Variants in TMIE observed in about 807,000 individuals in gnomAD.
TMIE encodes the protein transmembrane inner ear, also known as transmembrane inner ear expressed protein.
A neutral mutation model predicts 16.8 loss-of-function variants in TMIE; 14 were observed. The ratio of observed to expected loss-of-function variants is 0.83; its 90% CI spans 0.55 to 1.30. The LOEUF is 1.30. Ranked by LOEUF, TMIE falls within the 50% of genes most tolerant of loss-of-function variation. The pLI is 0.00. For missense variants in TMIE, 204 were observed against 205.9 expected (o/e 0.99, Z 0.06); for synonymous variants, 75 against 87.2 (o/e 0.86, Z 0.78).
At position 46,710,074 on chromosome 3, in the gene TMIE, C is replaced by A; in HGVS notation, c.*386C>A. 2.9e-6 allele frequency: 1 copy of A among 341,782 alleles called. No homozygotes were observed. The highest frequency in any genetic ancestry group is 5.7e-6 in the Non-Finnish European group (1 of 174,012). The allele number at this position is 341,782 out of a possible 1,614,324, so 21.2% of individuals were successfully genotyped here. ...GTTACTTCAGCCACCCTTTCTGGCA[C>A]GAAATGGCTGAAGTGCATGGGTCAG... On this transcript the variant is annotated 3_prime_UTR_variant, in exon 4 of 4. Transcript: ENST00000643606.
chr3:46,696,037 C>G (rs944731569), intron 1 of TMIE, among the ~76,000 whole-genome samples: 38 of 152,162 alleles, frequency 2.5e-4, no homozygotes, highest in African/African-American at 8.7e-4. Context: ...GCAGCACAGC[C>G]AAGGGCCCCT....
intron 1 of TMIE, among the ~76,000 whole-genome samples, chr3:46,704,565 C>G (rs1489877014): frequency 2.7e-5 from 4 of 148,632 alleles, no homozygotes; most frequent in Non-Finnish European, 6.0e-5. Flanking sequence ...GGACCATGTC[C>G]CCTAGACGCC....
upstream of TMIE, among the ~76,000 whole-genome samples, chr3:46,699,159 G>A (rs990967985): frequency 1.5e-5 from 2 of 129,800 alleles, no homozygotes; most frequent in African/African-American, 5.8e-5. Flanking sequence ...CGCAACCTCC[G>A]CCTCCCGAGT....
chr3:46,695,192 C>T (rs570948480), intron 1 of TMIE, among the ~76,000 whole-genome samples: 17 of 152,370 alleles, frequency 1.1e-4, no homozygotes, highest in Non-Finnish European at 1.5e-4. Context: ...GCAGAGCCAC[C>T]GCCCCAGCAG....
chr3:46,703,353 G>A (rs946053900), intron 1 of TMIE, among the ~76,000 whole-genome samples: 1 of 152,206 alleles, frequency 6.6e-6, no homozygotes, highest in African/African-American at 2.4e-5. Flanking sequence ...GCAAGAATGT[G>A]TAGGAAGTGA....
chr3:46,699,436 G>A (rs1187966520), upstream of TMIE, among the ~76,000 whole-genome samples: 1 of 152,182 alleles, frequency 6.6e-6, no homozygotes, highest in Non-Finnish European at 1.5e-5. Flanking sequence ...CAACTGCACT[G>A]AGACTTTTGG....
rs868569513 is a variant in TMIE at position 46,710,359 on chromosome 3, G to A, written c.*671G>A. The A allele has an allele frequency of 2.3e-4, 36 of 159,748 alleles. No individual in the cohort carries two copies. The highest frequency in any genetic ancestry group is 3.3e-3 in the Middle Eastern group (1 of 300). The allele number at this position is 159,748 out of a possible 1,614,324, so 9.9% of individuals were successfully genotyped here. A position where few individuals can be genotyped will look rare whatever the true frequency, so the allele number is the denominator to read the frequency against. On this transcript the variant is annotated 3_prime_UTR_variant, in exon 4 of 4. Coordinates refer to ENST00000643606, the MANE Select transcript of TMIE (RefSeq NM_147196.3). ...GTGATGAAGCTGAGGCTGCTGCCAG[G>A]CCCGGCATGAGGCCCCGAGGCTCGA...
upstream of TMIE, among the ~76,000 whole-genome samples, chr3:46,697,791 A>G (rs1283128779): frequency 6.6e-6 from 1 of 152,006 alleles, no homozygotes; most frequent in African/African-American, 2.4e-5. Flanking sequence ...ATCGAATTGG[A>G]AGGCACTCAG....
upstream of TMIE, among the ~76,000 whole-genome samples, chr3:46,699,889 C>G (rs1469439844): frequency 6.6e-6 from 1 of 152,170 alleles, no homozygotes. Context: ...GGGAGTCTCA[C>G]CCTCCCCATG....
chr3:46,708,651 G>C (rs1188438945), intron 2 of TMIE, among the ~76,000 whole-genome samples: 1 of 152,244 alleles, frequency 6.6e-6, no homozygotes, highest in Non-Finnish European at 1.5e-5. Flanking sequence ...TGTCCTCAGG[G>C]AGGCTGAGGA....
At chr3:46,706,675 G>A (rs1700556385) in intron 2 of TMIE, among the ~76,000 whole-genome samples, 1 of 152,172 alleles carries the variant, frequency 6.6e-6, no homozygotes, top group African/African-American at 2.4e-5. Flanking sequence ...AGGGTCCTCT[G>A]AGGAGGAGGG....
In TMIE at chr3:46,705,902, C is replaced by T. The variant is rs188085072; in HGVS notation, c.206C>T (p.Ser69Phe). 1,549 of 1,613,850 alleles carry T rather than the reference C, an allele frequency of 9.6e-4. 1 individual carries two copies. The highest frequency in any genetic ancestry group is 1.5e-3 in the Middle Eastern group (9 of 6,062). Reference sequence around the variant, plus strand: ...GGCATCTTTTCGCTCTTCGTGTTGTCCATCAGTGAGTAGCTGTTCCCTTCC... The same window carrying T: ...GGCATCTTTTCGCTCTTCGTGTTGTTCATCAGTGAGTAGCTGTTCCCTTCC... ...VVGIFSLFVL[S>F]IIITLCCVFN... Residue 69 changes from serine to phenylalanine, a missense_variant, in exon 2 of 4, where the codon TCC becomes TTC. By Grantham distance (155) the Ser-to-Phe change is radical. Transcript: ENST00000643606.
chr3:46,703,443 TGA>T lies in TMIE; in HGVS notation c.93+1865_93+1866del, dbSNP rs544293716. On this transcript the variant is annotated intron_variant, in intron 1 of 3. Transcript: ENST00000643606. ...CATACAACCAGCCGGGCCAACACATTGAGCCTTAGAATTAGGGCAGCTGCCAC... is the reference window on the plus strand; with the variant it reads ...CATACAACCAGCCGGGCCAACACATTGCCTTAGAATTAGGGCAGCTGCCAC... Among the ~76,000 whole-genome samples the T allele has an allele frequency of 6.6e-5, 10 of 152,214 alleles. No homozygotes were observed. In the East Asian group the frequency reaches 1.7e-3, roughly 26 times the overall value.
Position 46,701,458 on chromosome 3 carries a change from G to T in TMIE, c.-30G>T. ...ACCGGCGGCCGGCCCGTTCGTCCCTGGGCTCCGCAAGCGGCGCGGTGGCAC... is the reference window on the plus strand; with the variant it reads ...ACCGGCGGCCGGCCCGTTCGTCCCTTGGCTCCGCAAGCGGCGCGGTGGCAC... On this transcript the variant is annotated 5_prime_UTR_variant, in exon 1 of 4. Transcript: ENST00000643606. This position sits in a 1 kb window ranked among gnomAD's most constrained non-coding sequence, Gnocchi z 4.3. 1 of 1,392,870 alleles carries T rather than the reference G, an allele frequency of 7.2e-7. No individual in the cohort carries two copies. Among genetic ancestry groups the T allele is most frequent in the Non-Finnish European group, 9.3e-7 (1 of 1,074,702 alleles). 86.3% of individuals were successfully genotyped at this position (1,392,870 alleles called of 1,614,324 possible).
chr3:46,708,705 C>T (rs1167135427), intron 2 of TMIE, among the ~76,000 whole-genome samples: 2 of 152,206 alleles, frequency 1.3e-5, no homozygotes, highest in East Asian at 3.9e-4. Context: ...GCAACTTTGG[C>T]CTAGCTCTCA....
chr3:46,707,191 G>A (rs538789232), intron 2 of TMIE, among the ~76,000 whole-genome samples: 11 of 152,324 alleles, frequency 7.2e-5, no homozygotes, highest in South Asian at 2.1e-4. Context: ...TGCAGGGCTC[G>A]GGGGTCATCT....
upstream of TMIE, among the ~76,000 whole-genome samples, chr3:46,700,856 T>C (rs1011884708): frequency 6.6e-6 from 1 of 152,058 alleles, no homozygotes; most frequent in African/African-American, 2.4e-5. Flanking sequence ...GGGCTGAAGA[T>C]GCTGGCTTCT....
At chr3:46,709,442 G>T in intron 3 of TMIE, 137 bp from the exon 4 acceptor site, 1 of 1,604,918 alleles carries the variant, frequency 6.2e-7, no homozygotes, top group Non-Finnish European at 8.5e-7. Flanking sequence ...CAAATAGAAC[G>T]ATGAGCCTAT....
chr3:46,707,044 G>GC (rs532697986), intron 2 of TMIE, among the ~76,000 whole-genome samples: 33 of 152,292 alleles, frequency 2.2e-4, no homozygotes, highest in African/African-American at 3.6e-4. Flanking sequence ...GAAAATCCCC[G>GC]CCCCCCATCT....
Sources: allele counts gnomAD v4.1 joint callset (sites outside exome capture counted in the v4.1 genomes callset), GRCh38; gene constraint gnomAD v4.1.1; non-coding constraint Gnocchi (gnomAD v3.1); transcripts MANE v1.5; gene names NCBI Gene and HGNC (gene_info 2026-07-23, HGNC 2026-07-21).